ARHGAP15: variants seen among roughly 807,000 people sequenced by gnomAD.
ARHGAP15 encodes the protein rho GTPase-activating protein 15.
Under a neutral mutation model 63.7 loss-of-function variants are expected in ARHGAP15, and 51 were observed. That is an observed-to-expected ratio of 0.80 (90% CI 0.64 to 1.01). ARHGAP15 has a LOEUF of 1.01. Among genes scored for constraint, ARHGAP15 ranks in the 50% least tolerant of loss-of-function variants. ARHGAP15 has a pLI of 0.00. For missense variants in ARHGAP15, 560 were observed against 564.6 expected (o/e 0.99, Z 0.08); for synonymous variants, 191 against 193.8 (o/e 0.99, Z 0.12).
intron 6 of ARHGAP15, among the ~76,000 whole-genome samples, chr2:143,374,832 C>T (rs1020763242): frequency 6.6e-6 from 1 of 152,012 alleles, no homozygotes; most frequent in African/African-American, 2.4e-5. Flanking sequence ...GTTGTTCTAC[C>T]CCACCAGACT....
intron 11 of ARHGAP15, among the ~76,000 whole-genome samples, chr2:143,621,688 A>G (rs1489240258): frequency 6.6e-6 from 1 of 152,212 alleles, no homozygotes; most frequent in African/African-American, 2.4e-5. Flanking sequence ...TAAGGGACAC[A>G]GTTAATATTA....
chr2:143,531,127 C>CGTGCATGTGTGTGCGT (rs58887426), intron 10 of ARHGAP15, among the ~76,000 whole-genome samples: 5 of 151,762 alleles, frequency 3.3e-5, no homozygotes, highest in Non-Finnish European at 5.9e-5. Flanking sequence ...TGTGTGTGCG[C>CGTGCATGTGTGTGCGT]GCATGTGTGT....
chr2:143,741,393 C>A (rs1019454465), intron 13 of ARHGAP15: 1 of 152,168 alleles, frequency 6.6e-6, no homozygotes, highest in Non-Finnish European at 1.5e-5. Flanking sequence ...TGAAGTCATG[C>A]CAACTTTGAT....
At chr2:143,243,811 T>C (rs541171047) in intron 5 of ARHGAP15, among the ~76,000 whole-genome samples, 27 of 152,294 alleles carry the variant, frequency 1.8e-4, no homozygotes, top group African/African-American at 6.5e-4. Flanking sequence ...TCTTCAGGCA[T>C]AGGTCTTTCT....
chr2:143,616,226 T>C (rs944238696), intron 11 of ARHGAP15, among the ~76,000 whole-genome samples: 6 of 152,196 alleles, frequency 3.9e-5, no homozygotes, highest in Non-Finnish European at 8.8e-5. Flanking sequence ...CATTATAAAT[T>C]AAAAATGCAC....
At chr2:143,438,460 G>T (rs1477442576) in intron 8 of ARHGAP15, among the ~76,000 whole-genome samples, 1 of 152,014 alleles carries the variant, frequency 6.6e-6, no homozygotes, top group Non-Finnish European at 1.5e-5. Flanking sequence ...TACAAATCTA[G>T]AAATTGCATG....
intron 13 of ARHGAP15, among the ~76,000 whole-genome samples, chr2:143,746,536 G>A (rs186512255): frequency 2.1e-4 from 32 of 152,264 alleles, no homozygotes; most frequent in African/African-American, 6.5e-4. Context: ...TCCCTTTTGG[G>A]TGAGAAAAAG....
At chr2:143,569,567 G>A (rs980834425) in intron 11 of ARHGAP15, among the ~76,000 whole-genome samples, 1 of 152,170 alleles carries the variant, frequency 6.6e-6, no homozygotes, top group Non-Finnish European at 1.5e-5. Context: ...GTGAGATCAG[G>A]ACACACAGAA....
intron 10 of ARHGAP15, among the ~76,000 whole-genome samples, chr2:143,555,076 T>A (rs752062427): frequency 4.6e-4 from 70 of 152,156 alleles, no homozygotes; most frequent in Non-Finnish European, 8.7e-4. Context: ...CAAGTAACCC[T>A]AAAGTTTATT....
chr2:143,624,098 A>C (rs751121570), intron 11 of ARHGAP15, 35 bp from the exon 12 acceptor site: 1 of 1,608,822 alleles, frequency 6.2e-7, no homozygotes, highest in Admixed American at 1.7e-5. Context: ...GTTTCATTAA[A>C]ACCAGTTGTT....
In ARHGAP15 at chr2:143,394,328, G is replaced by C. The variant is rs547539667; in HGVS notation, c.475-41273G>C. 1.3e-5 allele frequency among the ~76,000 whole-genome samples: 2 copies of C among 152,268 alleles called. 1 individual carries two copies. Among genetic ancestry groups the C allele is most frequent in the South Asian group, 4.2e-4 (2 of 4,818 alleles). On this transcript the variant is annotated intron_variant, in intron 6 of 13. Transcript: ENST00000295095. ...CAAGAGCTAGTGACAGCCAAGACAA[G>C]AACACAAATGACTCTCTCCCTTGTT...
At chr2:143,181,337 C>T (rs1262921279) in intron 2 of ARHGAP15, among the ~76,000 whole-genome samples, 2 of 152,192 alleles carry the variant, frequency 1.3e-5, no homozygotes, top group Non-Finnish European at 2.9e-5. Flanking sequence ...CTTAAAGACA[C>T]TGATAACTAG....
chr2:143,651,789 G>C (rs1292837379), intron 12 of ARHGAP15, among the ~76,000 whole-genome samples: 2 of 151,898 alleles, frequency 1.3e-5, no homozygotes, highest in African/African-American at 2.4e-5. Context: ...ATTGTGGTTT[G>C]TATTTCCATT....
At chr2:143,153,840 T>TTCCTCTTCC (rs1186617012) in intron 1 of ARHGAP15, among the ~76,000 whole-genome samples, 1 of 78,398 alleles carries the variant, frequency 1.3e-5, no homozygotes, top group South Asian at 5.3e-4. Context: ...CTTCTTCTTC[T>TTCCTCTTCC]TCTTCCTCCT....
At chr2:143,353,753 C>T (rs990091190) in intron 6 of ARHGAP15, among the ~76,000 whole-genome samples, 1 of 152,150 alleles carries the variant, frequency 6.6e-6, no homozygotes, top group South Asian at 2.1e-4. Flanking sequence ...AACTAAGGAA[C>T]CATAACTTAG....
intron 2 of ARHGAP15, among the ~76,000 whole-genome samples, chr2:143,177,207 G>T (rs1163134387): frequency 6.6e-6 from 1 of 152,096 alleles, no homozygotes; most frequent in African/African-American, 2.4e-5. Flanking sequence ...TCTTTTATAT[G>T]CTGTCTTCTT....
chr2:143,433,618 T>G (rs576745287), intron 6 of ARHGAP15, among the ~76,000 whole-genome samples: 1 of 152,124 alleles, frequency 6.6e-6, no homozygotes, highest in Non-Finnish European at 1.5e-5. Context: ...AACGCACTGC[T>G]AAAGTACTTA....
intron 6 of ARHGAP15, among the ~76,000 whole-genome samples, chr2:143,403,815 G>C (rs1688086150): frequency 6.6e-6 from 1 of 151,598 alleles, no homozygotes; most frequent in Non-Finnish European, 1.5e-5. Flanking sequence ...TTTGATTGTT[G>C]AGTTTCTATT....
At chr2:143,478,737 T>C (rs928854123) in intron 8 of ARHGAP15, among the ~76,000 whole-genome samples, 1 of 152,244 alleles carries the variant, frequency 6.6e-6, no homozygotes, top group African/African-American at 2.4e-5. Context: ...AATCCGATTG[T>C]CTAGCAAAAG....
Sources: allele counts gnomAD v4.1 joint callset (sites outside exome capture counted in the v4.1 genomes callset), GRCh38; gene constraint gnomAD v4.1.1; transcripts MANE v1.5; gene names NCBI Gene and HGNC (gene_info 2026-07-23, HGNC 2026-07-21).